TOP6BL: variants seen among roughly 807,000 people sequenced by gnomAD.
TOP6BL encodes type 2 DNA topoisomerase 6 subunit B-like.
the TOP6BL span, among the ~76,000 whole-genome samples, chr11:66,752,528 T>A: frequency 7.9e-5 from 12 of 152,224 alleles, no homozygotes; most frequent in African/African-American, 2.6e-4. Context: ...CTCGACTTAC[T>A]GCAACCTCCG....
the TOP6BL span, among the ~76,000 whole-genome samples, chr11:66,808,875 AGAGAG>A: frequency 4.6e-5 from 7 of 152,206 alleles, no homozygotes; most frequent in Non-Finnish European, 8.8e-5. Context: ...CAAAAAGAGA[AGAGAG>A]AAGAGAAAAT....
At chr11:66,812,711 G>C in the TOP6BL span, among the ~76,000 whole-genome samples, 1 of 152,206 alleles carries the variant, frequency 6.6e-6, no homozygotes, top group Non-Finnish European at 1.5e-5. Flanking sequence ...CTGGTCTCTG[G>C]CCTTGGTTCA....
chr11:66,760,231 C>A, the TOP6BL span, among the ~76,000 whole-genome samples: 38 of 150,402 alleles, frequency 2.5e-4, 1 homozygote, highest in South Asian at 6.4e-4. Flanking sequence ...AGGCAGATTA[C>A]CTAGGTCAGG....
chr11:66,775,822 A>G, the TOP6BL span, among the ~76,000 whole-genome samples: 7 of 152,100 alleles, frequency 4.6e-5, no homozygotes, highest in Non-Finnish European at 8.8e-5. Flanking sequence ...TAGATCTTTT[A>G]TGTTAACACT....
the TOP6BL span, among the ~76,000 whole-genome samples, chr11:66,788,449 G>A: frequency 2.0e-5 from 3 of 152,174 alleles, no homozygotes; most frequent in Non-Finnish European, 2.9e-5. Context: ...AAATACTGTC[G>A]TCTGTGTCCC....
chr11:66,821,610 A>G, the TOP6BL span: 1 of 1,567,208 alleles, frequency 6.4e-7, no homozygotes, highest in Non-Finnish European at 8.7e-7. Context: ...GGAGGTAGAT[A>G]TAGTGATAAT....
the TOP6BL span, chr11:66,821,747 C>T: frequency 1.9e-6 from 3 of 1,613,448 alleles, no homozygotes; most frequent in Admixed American, 5.0e-5. Context: ...CTTGGAGCAA[C>T]ATCACCAGGC....
chr11:66,756,604 A>C, the TOP6BL span: 5 of 911,168 alleles, frequency 5.5e-6, no homozygotes, highest in Non-Finnish European at 6.6e-6. Context: ...TCTATCCTCC[A>C]GATGCAAAGA....
At chr11:66,815,135 T>C in the TOP6BL span, among the ~76,000 whole-genome samples, 682 of 152,308 alleles carry the variant, frequency 4.5e-3, 3 homozygotes, top group Non-Finnish European at 8.1e-3. Context: ...TTAGAGGGAA[T>C]GATAGACTCC....
chr11:66,809,236 C>T, the TOP6BL span, among the ~76,000 whole-genome samples: 2 of 152,296 alleles, frequency 1.3e-5, no homozygotes, highest in South Asian at 4.1e-4. Context: ...AGATGAAAAA[C>T]AGAGAAGAAT....
chr11:66,827,477 A>G, the TOP6BL span, among the ~76,000 whole-genome samples: 86 of 151,790 alleles, frequency 5.7e-4, 2 homozygotes, highest in Admixed American at 4.9e-3. Flanking sequence ...GCTGTTACCT[A>G]TTTCCTGTGG....
the TOP6BL span, chr11:66,756,389 G>A: frequency 8.5e-7 from 1 of 1,177,548 alleles, no homozygotes. Context: ...CCGGAGTGCA[G>A]TGGCGCAGTC....
the TOP6BL span, chr11:66,762,349 G>A: frequency 2.7e-6 from 1 of 377,146 alleles, no homozygotes; most frequent in Non-Finnish European, 4.8e-6. Flanking sequence ...TGTGGAAGCC[G>A]GCGACGCAGA....
the TOP6BL span, chr11:66,788,251 C>T: frequency 6.2e-7 from 1 of 1,611,778 alleles, no homozygotes; most frequent in South Asian, 1.1e-5. Flanking sequence ...GGGTAACACC[C>T]TTCCAGATGA....
chr11:66,824,967 C>T, the TOP6BL span, among the ~76,000 whole-genome samples: 17 of 151,916 alleles, frequency 1.1e-4, no homozygotes, highest in African/African-American at 2.9e-4. Flanking sequence ...TACCCAGTAA[C>T]GGGATTGCTG....
At chr11:66,843,465 C>T in the TOP6BL span, 3 of 1,414,234 alleles carry the variant, frequency 2.1e-6, no homozygotes, top group Non-Finnish European at 1.8e-6. Flanking sequence ...AATGGCGGCG[C>T]TGGGCGGGGA....
the TOP6BL span, among the ~76,000 whole-genome samples, chr11:66,816,880 G>A: frequency 5.3e-5 from 8 of 152,136 alleles, no homozygotes; most frequent in African/African-American, 1.9e-4. Context: ...CAGGCTGGGT[G>A]CGGTGGCTCA....
the TOP6BL span, among the ~76,000 whole-genome samples, chr11:66,753,343 T>C: frequency 2.6e-5 from 4 of 151,918 alleles, no homozygotes; most frequent in African/African-American, 9.7e-5. Flanking sequence ...GGAAGACTTT[T>C]ATGGGGTAGG....
the TOP6BL span, chr11:66,796,099 A>C: frequency 1.4e-5 from 8 of 563,564 alleles, no homozygotes; most frequent in Non-Finnish European, 2.6e-5. Flanking sequence ...CTCTAACCCA[A>C]GAAGTGATGG....
Sources: gnomAD v4.1 joint callset for allele counts (sites outside exome capture counted in the v4.1 genomes callset) on GRCh38, gnomAD v4.1.1 for gene constraint, MANE v1.5 for transcripts, NCBI Gene and HGNC (gene_info 2026-07-23, HGNC 2026-07-21) for gene names.